Variants in KANK1 observed in about 807,000 individuals in gnomAD.
KANK1 encodes KN motif and ankyrin repeat domains 1, also known as KN motif and ankyrin repeat domain-containing protein 1.
In KANK1, 109 loss-of-function variants were observed where a neutral mutation model predicts 106.2. The ratio of observed to expected loss-of-function variants is 1.03; its 90% CI spans 0.88 to 1.20. The LOEUF (loss-of-function observed/expected upper bound fraction) is 1.20. Ranked by LOEUF, KANK1 falls within the 50% of genes most tolerant of loss-of-function variation. KANK1 has a pLI of 0.00. For missense variants in KANK1, 2,399 were observed against 1,710.7 expected, an observed-to-expected ratio of 1.40 and a Z score of -7.10; for synonymous variants, 873 against 652.2, an observed-to-expected ratio of 1.34 and a Z score of -5.16.
chr9:540,183 C>A (rs761424555), intron 1 of KANK1, among the ~76,000 whole-genome samples: 2 of 152,134 alleles, frequency 1.3e-5, no homozygotes, highest in Non-Finnish European at 2.9e-5. Context: ...CCGTATGTGG[C>A]CTTTATTATG....
intron 1 of KANK1, among the ~76,000 whole-genome samples, chr9:639,864 A>C (rs937675590): frequency 7.2e-5 from 11 of 152,190 alleles, no homozygotes; most frequent in African/African-American, 2.7e-4. Flanking sequence ...CTATGTCCTT[A>C]CATGGCAGAT....
chr9:520,999 G>A (rs2059521260), intron 1 of KANK1, among the ~76,000 whole-genome samples: 1 of 151,750 alleles, frequency 6.6e-6, no homozygotes, highest in African/African-American at 2.4e-5. Context: ...GGGTAGAGAT[G>A]GGGCCTTTTG....
chr9:679,455 C>T (rs549075432), intron 2 of KANK1, among the ~76,000 whole-genome samples: 1 of 152,222 alleles, frequency 6.6e-6, no homozygotes, highest in African/African-American at 2.4e-5. Flanking sequence ...TGCTCTGTCA[C>T]CCAGGCTGGA....
chr9:508,975 G>A (rs1046854463), intron 1 of KANK1, among the ~76,000 whole-genome samples: 2 of 152,184 alleles, frequency 1.3e-5, no homozygotes, highest in African/African-American at 2.4e-5. Context: ...ACAGTCATGC[G>A]GATTTCTGAA....
chr9:579,999 G>C (rs1463076876), intron 1 of KANK1, among the ~76,000 whole-genome samples: 1 of 152,136 alleles, frequency 6.6e-6, no homozygotes, highest in East Asian at 1.9e-4. Context: ...TGGTCTCACA[G>C]ACTTCAAGAA....
chr9:533,463 G>C (rs2060155198), intron 1 of KANK1, among the ~76,000 whole-genome samples: 1 of 152,196 alleles, frequency 6.6e-6, no homozygotes, highest in Non-Finnish European at 1.5e-5. Context: ...GGCAGGCACA[G>C]TCTAAATACT....
intron 1 of KANK1, among the ~76,000 whole-genome samples, chr9:620,444 G>A (rs1017209877): frequency 1.3e-5 from 2 of 151,962 alleles, no homozygotes; most frequent in Non-Finnish European, 2.9e-5. Flanking sequence ...TGTCACCCGG[G>A]CTGGAGAACA....
At chr9:538,073 G>A (rs763699801) in intron 1 of KANK1, among the ~76,000 whole-genome samples, 1 of 151,830 alleles carries the variant, frequency 6.6e-6, no homozygotes, top group Non-Finnish European at 1.5e-5. Flanking sequence ...GCTATTGAGG[G>A]CAGCACTGAA....
chr9:532,901 G>T (rs543109510), intron 1 of KANK1, among the ~76,000 whole-genome samples: 1 of 152,108 alleles, frequency 6.6e-6, no homozygotes, highest in Non-Finnish European at 1.5e-5. Flanking sequence ...AATAAACCTT[G>T]TGTACACAGC....
intron 1 of KANK1, among the ~76,000 whole-genome samples, chr9:665,286 T>G (rs1844313125): frequency 6.6e-6 from 1 of 152,188 alleles, no homozygotes; most frequent in African/African-American, 2.4e-5. Flanking sequence ...CTTTTATTAG[T>G]TTTATAATTT....
Position 543,826 on chromosome 9 carries a change from G to C in KANK1, c.-84+39072G>C, listed in dbSNP as rs151281292. 8.9e-3 allele frequency among the ~76,000 whole-genome samples: 1,361 copies of C among 152,224 alleles called. 11 individuals carry two copies. The highest frequency in any genetic ancestry group is 0.031 in the South Asian group (148 of 4,816). On this transcript the variant is annotated intron_variant, in intron 1 of 11. Transcript: ENST00000382297. ...ATTTCTCTAGTTAATTTCTATGCCT[G>C]TTGTTTTGCCCCTTACCGTCTTCAA...
chr9:717,397 G>C (rs1828017674), intron 3 of KANK1, among the ~76,000 whole-genome samples: 1 of 152,220 alleles, frequency 6.6e-6, no homozygotes, highest in Admixed American at 6.5e-5. Flanking sequence ...GGTATTTACA[G>C]ATGTCCATGC....
At chr9:743,111 A>T (rs1836131571) in intron 10 of KANK1, among the ~76,000 whole-genome samples, 1 of 152,218 alleles carries the variant, frequency 6.6e-6, no homozygotes, top group Non-Finnish European at 1.5e-5. Flanking sequence ...GCATGTAGGC[A>T]GTGAGATGGT....
chr9:711,737 A>G lies in KANK1; in HGVS notation c.971A>G (p.Tyr324Cys), dbSNP rs767181031. Residue 324 changes from tyrosine (Y) to cysteine (C), a missense_variant, in exon 3 of 12, where the codon TAT (tyrosine) becomes TGT (cysteine). Transcript: ENST00000382297. ...INVCGVRKRSYSAGNASQLEQ... is the reference protein window; with the variant it reads ...INVCGVRKRSCSAGNASQLEQ... ...GTCTGTGGTGTGAGGAAGCGGTCCT[A>G]TAGTGCGGGGAACGCCTCCCAGCTG... 8.0e-5 allele frequency: 129 copies of G among 1,614,094 alleles called. No individual in the cohort carries two copies. The East Asian group carries it at 2.2e-3, about 28-fold the overall frequency.
At chr9:607,881 T>C (rs1301357868) in intron 1 of KANK1, among the ~76,000 whole-genome samples, 1 of 151,736 alleles carries the variant, frequency 6.6e-6, no homozygotes, top group Non-Finnish European at 1.5e-5. Context: ...CCTCCTTTCA[T>C]GTTCTTGGTA....
intron 1 of KANK1, among the ~76,000 whole-genome samples, chr9:671,938 A>G (rs1815249325): frequency 6.6e-6 from 1 of 152,088 alleles, no homozygotes; most frequent in Admixed American, 6.6e-5. Flanking sequence ...ACAGAGCAAG[A>G]CTCCGTCTCA....
At chr9:609,810 T>C (rs1197927647) in intron 1 of KANK1, among the ~76,000 whole-genome samples, 1 of 152,180 alleles carries the variant, frequency 6.6e-6, no homozygotes, top group East Asian at 1.9e-4. Context: ...AAATTATTTT[T>C]TCTCAGGCTA....
In KANK1 at chr9:512,258, T is replaced by TAC. The variant is rs1289173199; in HGVS notation, c.-84+7514_-84+7515dup. On this transcript the variant is annotated intron_variant, in intron 1 of 11. Coordinates refer to ENST00000382297, the MANE Select transcript of KANK1 (RefSeq NM_015158.5). ...GTGTGTGTGTGTGTGTGTATGTATA[T>TAC]ACACACACACAAGATTTTTAAAACA... Among the ~76,000 whole-genome samples the TAC allele has an allele frequency of 2.6e-4, 40 of 151,916 alleles. No individual in the cohort carries two copies. The East Asian group carries it at 5.4e-3, about 21-fold the overall frequency.
intron 1 of KANK1, among the ~76,000 whole-genome samples, chr9:595,635 C>A (rs1458539310): frequency 1.3e-5 from 2 of 151,810 alleles, no homozygotes; most frequent in Non-Finnish European, 2.9e-5. Flanking sequence ...AAGCAGTCCT[C>A]CCACCTCAGT....
Sources: allele counts gnomAD v4.1 joint callset (sites outside exome capture counted in the v4.1 genomes callset), GRCh38; gene constraint gnomAD v4.1.1; transcripts MANE v1.5; gene names NCBI Gene and HGNC (gene_info 2026-07-23, HGNC 2026-07-21).